The following ENOX2 variants were observed in gnomAD, a reference collection of about 807,000 sequenced individuals.
The protein encoded by ENOX2 is ecto-NOX disulfide-thiol exchanger 2, also known as APK1 antigen.
A neutral mutation model predicts 45.0 loss-of-function variants in ENOX2; 36 were observed. The ratio of observed to expected loss-of-function variants is 0.80; its 90% CI spans 0.61 to 1.06. ENOX2 has a LOEUF of 1.06. Ranked by LOEUF, ENOX2 falls within the 50% of genes least tolerant of loss-of-function variation. The probability of loss-of-function intolerance (pLI) is 0.00; values close to 1 mark genes in which losing one functional copy is unlikely to be tolerated. For missense variants in ENOX2, 423 were observed against 462.5 expected (o/e 0.91, Z 0.78); for synonymous variants, 174 against 152.3 (o/e 1.14, Z -1.05).
chrX:130,782,513 C>T lies in ENOX2; in HGVS notation c.-39+1034G>A, dbSNP rs562404987. Among the ~76,000 whole-genome samples, 89 of 111,662 alleles carry T rather than the reference C, an allele frequency of 8.0e-4. 2 individuals are homozygous for T. In the South Asian group the frequency reaches 0.032, roughly 41 times the overall value. On this transcript the variant is annotated intron_variant, in intron 3 of 14. Transcript: ENST00000394363. ...CTCATTTCTTGAGGGTTCCATGTAA[C>T]TAATGTTTTACTGTATTTTCATTTT...
intron 3 of ENOX2, among the ~76,000 whole-genome samples, chrX:130,740,570 G>GC (rs1166490557): frequency 1.3e-4 from 15 of 111,450 alleles, no homozygotes; most frequent in African/African-American, 4.9e-4. Flanking sequence ...AATTTAACTG[G>GC]CGGAGGGGAG....
chrX:130,797,620 G>A (rs998668240), intron 2 of ENOX2, among the ~76,000 whole-genome samples: 2 of 111,420 alleles, frequency 1.8e-5, no homozygotes, highest in African/African-American at 6.5e-5. Flanking sequence ...GAGATGATGG[G>A]GGAAGGAGAA....
At chrX:130,637,528 C>T (rs1272902089) in intron 10 of ENOX2, 118 bp from the exon 11 acceptor site, 2 of 533,494 alleles carry the variant, frequency 3.7e-6, no homozygotes, top group African/African-American at 4.7e-5. Context: ...AGTTGGCCAT[C>T]TCAGCAAGAG....
intron 2 of ENOX2, among the ~76,000 whole-genome samples, chrX:130,882,119 G>A (rs1223462095): frequency 9.0e-6 from 1 of 111,169 alleles, no homozygotes; most frequent in East Asian, 2.8e-4. Context: ...GCAGCTCTAC[G>A]ATCGCTGGAG....
chrX:130,685,260 G>T (rs906227977), intron 5 of ENOX2, among the ~76,000 whole-genome samples: 3 of 111,188 alleles, frequency 2.7e-5, no homozygotes, highest in African/African-American at 9.8e-5. Context: ...AGGAGATGAA[G>T]TCAAAGAGAC....
chrX:130,800,563 C>CT (rs755251129), intron 2 of ENOX2, among the ~76,000 whole-genome samples: 17 of 110,276 alleles, frequency 1.5e-4, no homozygotes, highest in Middle Eastern at 4.6e-3. Context: ...TACAAAATGT[C>CT]TTTTTTTTTA....
intron 3 of ENOX2, among the ~76,000 whole-genome samples, chrX:130,705,802 TG>T (rs1230120994): frequency 1.8e-5 from 2 of 111,789 alleles, no homozygotes; most frequent in African/African-American, 6.5e-5. Flanking sequence ...GGAAGGAGCC[TG>T]GCCCCTCCTC....
At chrX:130,633,457 A>T (rs2035840277) in intron 12 of ENOX2, among the ~76,000 whole-genome samples, 1 of 112,556 alleles carries the variant, frequency 8.9e-6, no homozygotes, top group Non-Finnish European at 1.9e-5. Flanking sequence ...TAAAATAACA[A>T]GAAAAAAACA....
intron 10 of ENOX2, among the ~76,000 whole-genome samples, chrX:130,643,085 A>G (rs922290058): frequency 9.0e-5 from 10 of 111,557 alleles, no homozygotes; most frequent in African/African-American, 2.9e-4. Context: ...ATTATAAGAT[A>G]CTTGCAGTAC....
At chrX:130,705,806 C>T (rs1267689485) in intron 3 of ENOX2, among the ~76,000 whole-genome samples, 1 of 111,645 alleles carries the variant, frequency 9.0e-6, no homozygotes, top group African/African-American at 3.3e-5. Flanking sequence ...GGAGCCTGGC[C>T]CCTCCTCTTC....
intron 6 of ENOX2, among the ~76,000 whole-genome samples, chrX:130,679,138 T>G (rs181853917): frequency 9.0e-5 from 10 of 111,249 alleles, no homozygotes; most frequent in African/African-American, 3.3e-4. Flanking sequence ...GAGGAGGGTG[T>G]GCTTGAGCTG....
At chrX:130,705,767 C>T (rs949567227) in intron 3 of ENOX2, among the ~76,000 whole-genome samples, 1 of 111,590 alleles carries the variant, frequency 9.0e-6, no homozygotes, top group Admixed American at 9.5e-5. Context: ...GGGGTGGAGC[C>T]TTGGAAGTTC....
At chrX:130,726,417 C>A (rs753059051) in intron 3 of ENOX2, among the ~76,000 whole-genome samples, 1 of 112,357 alleles carries the variant, frequency 8.9e-6, no homozygotes, top group African/African-American at 3.2e-5. Flanking sequence ...CAGACAGTTA[C>A]AGGCTTCTTC....
In ENOX2 at chrX:130,623,251, A is replaced by G. The variant is rs752303163; in HGVS notation, c.*2063T>C. 1 of 112,034 alleles carries G rather than the reference A, an allele frequency of 8.9e-6. No individual in the cohort carries two copies. The highest frequency in any genetic ancestry group is 3.8e-4 in the South Asian group (1 of 2,645). The allele number at this position is 112,034 out of a possible 1,213,427, so 9.2% of individuals were successfully genotyped here. A position where few individuals can be genotyped will look rare whatever the true frequency, so the allele number is the denominator to read the frequency against. ...TACTAAACTGGCAGGAGTAACAGAA[A>G]CAGACAATCTGCAATGTAAGTTGAT... On this transcript the variant is annotated 3_prime_UTR_variant, in exon 15 of 15. Coordinates refer to ENST00000394363, the MANE Select transcript of ENOX2 (RefSeq NM_006375.4).
chrX:130,703,568 G>A (rs1222817926), intron 3 of ENOX2, among the ~76,000 whole-genome samples: 1 of 109,953 alleles, frequency 9.1e-6, no homozygotes, highest in Non-Finnish European at 1.9e-5. Flanking sequence ...GAGGAGCTTG[G>A]AATGATTAAG....
chrX:130,675,303 T>C (rs2037115506), intron 6 of ENOX2, among the ~76,000 whole-genome samples: 2 of 111,765 alleles, frequency 1.8e-5, no homozygotes, highest in Admixed American at 9.5e-5. Context: ...TTTTAATGAT[T>C]GCCATTCTAA....
intron 3 of ENOX2, among the ~76,000 whole-genome samples, chrX:130,721,303 C>T (rs1333330949): frequency 9.0e-6 from 1 of 111,707 alleles, no homozygotes; most frequent in Non-Finnish European, 1.9e-5. Flanking sequence ...CTGAAGAGAG[C>T]GAGTCACATA....
intron 14 of ENOX2, among the ~76,000 whole-genome samples, chrX:130,626,364 T>C (rs888914265): frequency 5.9e-4 from 66 of 112,038 alleles, no homozygotes; most frequent in African/African-American, 2.1e-3. Flanking sequence ...ATAATGTGTA[T>C]AGATATATAC....
chrX:130,638,377 A>AAT (rs774641586), intron 10 of ENOX2, among the ~76,000 whole-genome samples: 1 of 108,913 alleles, frequency 9.2e-6, no homozygotes, highest in African/African-American at 3.4e-5. Flanking sequence ...AAGATTTCTT[A>AAT]ATATGCACGT....
Sources: gnomAD v4.1 joint callset for allele counts (sites outside exome capture counted in the v4.1 genomes callset) on GRCh38, gnomAD v4.1.1 for gene constraint, MANE v1.5 for transcripts, NCBI Gene and HGNC (gene_info 2026-07-23, HGNC 2026-07-21) for gene names.